VAX2: variants seen among roughly 807,000 people sequenced by gnomAD.
VAX2 encodes ventral anterior homeobox 2.
Under a neutral mutation model 12.5 loss-of-function variants are expected in VAX2, and 8 were observed. The ratio of observed to expected loss-of-function variants is 0.64; its 90% CI spans 0.37 to 1.15. The LOEUF (loss-of-function observed/expected upper bound fraction) is 1.15. Among genes scored for constraint, VAX2 ranks in the 50% most tolerant of loss-of-function variants. VAX2 has a pLI of 0.01. For missense variants in VAX2, 476 were observed against 412.9 expected (o/e 1.15, Z -1.32); for synonymous variants, 183 against 187.6 (o/e 0.98, Z 0.20).
rs1678898193 is a variant in VAX2 at position 70,900,708 on chromosome 2, C to A, written c.87C>A (p.Ser29Arg). Reference protein sequence around the residue: ...GGGGGRCGDRSGAGDLRADGG... With the variant: ...GGGGGRCGDRRGAGDLRADGG... The stretch of plus-strand genomic sequence containing the variant: ...GCGGTGGGCGCTGCGGAGACCGCAG[C>A]GGAGCGGGGGACTTGCGAGCTGATG... The change falls in exon 1 of 3, where the codon AGC becomes AGA. Residue 29 changes from serine to arginine, a missense_variant. Physicochemically the swap from Ser to Arg is moderately radical, Grantham distance 110 (BLOSUM62 -1). Coordinates refer to ENST00000234392, the MANE Select transcript of VAX2 (RefSeq NM_012476.3). 1.5e-6 allele frequency: 2 copies of A among 1,364,276 alleles called. No homozygotes were observed. Among genetic ancestry groups the A allele is most frequent in the Non-Finnish European group, 9.5e-7 (1 of 1,055,494 alleles). The allele number at this position is 1,364,276 out of a possible 1,614,324, so 84.5% of individuals were successfully genotyped here.
At chr2:70,905,235 C>T (rs1027682098) in intron 1 of VAX2, among the ~76,000 whole-genome samples, 2 of 152,056 alleles carry the variant, frequency 1.3e-5, no homozygotes, top group Non-Finnish European at 1.5e-5. Context: ...CCAAGGCAGA[C>T]GTGGAAAGGT....
chr2:70,921,006 C>T (rs529032108), intron 1 of VAX2, 92 bp from the exon 2 acceptor site: 62 of 1,393,112 alleles, frequency 4.5e-5, no homozygotes, highest in Admixed American at 9.1e-5. Flanking sequence ...AGGAGCTCTG[C>T]GATAGATCAC....
intron 1 of VAX2, among the ~76,000 whole-genome samples, chr2:70,916,836 G>A (rs1679315882): frequency 6.6e-6 from 1 of 152,060 alleles, no homozygotes; most frequent in South Asian, 2.1e-4. Flanking sequence ...TTGTATACAG[G>A]TTTTTGTGTG....
intron 1 of VAX2, among the ~76,000 whole-genome samples, chr2:70,905,762 G>A (rs533703973): frequency 4.6e-5 from 7 of 152,316 alleles, no homozygotes; most frequent in South Asian, 2.1e-4. Context: ...TTGGAAGCCC[G>A]GACAAGGAGT....
At chr2:70,927,299 G>C (rs1049369895) in intron 2 of VAX2, among the ~76,000 whole-genome samples, 3 of 151,772 alleles carry the variant, frequency 2.0e-5, no homozygotes, top group African/African-American at 7.3e-5. Context: ...TGGGCTGGAG[G>C]ACGTTCTCAG....
chr2:70,901,455 C>T (rs1276803622), intron 1 of VAX2, among the ~76,000 whole-genome samples: 1 of 152,268 alleles, frequency 6.6e-6, no homozygotes, highest in East Asian at 1.9e-4. Context: ...GTTCCCACTT[C>T]CTCGCGGCGC....
intron 2 of VAX2, among the ~76,000 whole-genome samples, chr2:70,931,862 C>A (rs1183289051): frequency 6.6e-6 from 1 of 152,258 alleles, no homozygotes; most frequent in Non-Finnish European, 1.5e-5. Context: ...GGGCCATGAG[C>A]CAGAGGCTTC....
At chr2:70,905,370 T>G (rs1679031921) in intron 1 of VAX2, among the ~76,000 whole-genome samples, 1 of 152,202 alleles carries the variant, frequency 6.6e-6, no homozygotes, top group Admixed American at 6.5e-5. Flanking sequence ...TACGTTATTT[T>G]TTCCTTTTAC....
chr2:70,906,469 C>T (rs975371483), intron 1 of VAX2, among the ~76,000 whole-genome samples: 1 of 151,094 alleles, frequency 6.6e-6, no homozygotes, highest in Non-Finnish European at 1.5e-5. Context: ...TGAACCATCT[C>T]CCCCGTGGCC....
In VAX2 at chr2:70,900,772, G is replaced by T; in HGVS notation, c.151G>T (p.Ala51Ser). Reference protein sequence around the residue: ...HSPTEVAGTSASSPAGSRESG... With the variant: ...HSPTEVAGTSSSSPAGSRESG... The stretch of plus-strand genomic sequence containing the variant: ...CCCAACGGAGGTGGCCGGGACCTCA[G>T]CCTCCAGTCCCGCAGGCTCCAGGGA... Residue 51 changes from alanine to serine, a missense_variant, in exon 1 of 3, where the codon GCC (alanine) becomes TCC (serine). Transcript: ENST00000234392. 1 of 1,496,868 alleles carries T rather than the reference G, an allele frequency of 6.7e-7. No individual in the cohort carries two copies. The highest frequency in any genetic ancestry group is 8.9e-7 in the Non-Finnish European group (1 of 1,123,530). 92.7% of individuals were successfully genotyped at this position (1,496,868 alleles called of 1,614,324 possible). A position where few individuals can be genotyped will look rare whatever the true frequency, so the allele number is the denominator to read the frequency against.
Position 70,900,594 on chromosome 2 carries a change from C to T in VAX2, c.-28C>T, listed in dbSNP as rs2234494. 1.6e-6 allele frequency: 2 copies of T among 1,248,002 alleles called. No homozygotes were observed. Among genetic ancestry groups the T allele is most frequent in the Non-Finnish European group, 2.0e-6 (2 of 996,336 alleles). The allele number at this position is 1,248,002 out of a possible 1,614,324, so 77.3% of individuals were successfully genotyped here. A position where few individuals can be genotyped will look rare whatever the true frequency, so the allele number is the denominator to read the frequency against. ...CCCGGCCAGCGTAGGCTGGCTCCGC[C>T]GTAGAGGGGTTGGCAGTGGCGGTCA... On this transcript the variant is annotated 5_prime_UTR_variant, in exon 1 of 3. Transcript: ENST00000234392.
At chr2:70,925,247 C>A (rs1679542027) in intron 2 of VAX2, among the ~76,000 whole-genome samples, 1 of 152,194 alleles carries the variant, frequency 6.6e-6, no homozygotes, top group Non-Finnish European at 1.5e-5. Flanking sequence ...GGGAAGGGAC[C>A]CACAGGGGAA....
intron 1 of VAX2, among the ~76,000 whole-genome samples, chr2:70,915,744 C>T (rs755925588): frequency 1.3e-5 from 2 of 151,986 alleles, no homozygotes; most frequent in Non-Finnish European, 2.9e-5. Flanking sequence ...ATCTGCTTAA[C>T]GTGACTTATT....
chr2:70,932,375 A>G (rs1679711252), intron 2 of VAX2, among the ~76,000 whole-genome samples: 1 of 152,142 alleles, frequency 6.6e-6, no homozygotes, highest in African/African-American at 2.4e-5. Context: ...TGGAATTACC[A>G]GCACATAAAT....
At chr2:70,906,117 C>T (rs1426349125) in intron 1 of VAX2, among the ~76,000 whole-genome samples, 2 of 152,200 alleles carry the variant, frequency 1.3e-5, no homozygotes, top group African/African-American at 2.4e-5. Flanking sequence ...AGATTCTGTA[C>T]CCCAGTTCAA....
At chr2:70,919,805 T>C (rs1156822514) in intron 1 of VAX2, among the ~76,000 whole-genome samples, 1 of 152,224 alleles carries the variant, frequency 6.6e-6, no homozygotes, top group Non-Finnish European at 1.5e-5. Flanking sequence ...TAAGCTGAGA[T>C]GCGCCTCTGC....
intron 1 of VAX2, among the ~76,000 whole-genome samples, chr2:70,905,410 T>C (rs1351237712): frequency 1.3e-5 from 2 of 151,936 alleles, no homozygotes; most frequent in Admixed American, 6.5e-5. Flanking sequence ...CACATTCCCA[T>C]AGCGTGCCTA....
At position 70,915,157 on chromosome 2, in the gene VAX2, A is replaced by T. The variant is rs961935162; in HGVS notation, c.248-5941A>T. Among the ~76,000 whole-genome samples the T allele has an allele frequency of 2.0e-5, 3 of 151,692 alleles. No individual in the cohort carries two copies. In the East Asian group the frequency reaches 5.8e-4, roughly 29 times the overall value. On this transcript the variant is annotated intron_variant, in intron 1 of 2. Coordinates refer to ENST00000234392, the MANE Select transcript of VAX2 (RefSeq NM_012476.3). The stretch of plus-strand genomic sequence containing the variant: ...AATCTGTTTCTTGTACTTTACCTTG[A>T]TTTTGGTGCTTTTGTCATCCAAGTT...
At position 70,921,863 on chromosome 2, in the gene VAX2, T is replaced by G. The variant is rs1679465961; in HGVS notation, c.435+578T>G. Among the ~76,000 whole-genome samples, 2 of 152,116 alleles carry G rather than the reference T, an allele frequency of 1.3e-5. 1 individual carries two copies. The highest frequency in any genetic ancestry group is 1.3e-4 in the Admixed American group (2 of 15,276). ...TTAACTCAAAAGAAAAAAACTTTTGTAAATTAAGCACCTACCCTGTATGAA... is the reference window on the plus strand; with the variant it reads ...TTAACTCAAAAGAAAAAAACTTTTGGAAATTAAGCACCTACCCTGTATGAA... On this transcript the variant is annotated intron_variant, in intron 2 of 2. Coordinates refer to ENST00000234392, the MANE Select transcript of VAX2 (RefSeq NM_012476.3).
Sources: allele counts gnomAD v4.1 joint callset (sites outside exome capture counted in the v4.1 genomes callset), GRCh38; gene constraint gnomAD v4.1.1; transcripts MANE v1.5; gene names NCBI Gene and HGNC (gene_info 2026-07-23, HGNC 2026-07-21).